The following VAMP7 variants were observed in gnomAD, a reference collection of about 807,000 sequenced individuals.
VAMP7 encodes the protein vesicle associated membrane protein 7, also known as vesicle-associated membrane protein 7.
A neutral mutation model predicts 29.6 loss-of-function variants in VAMP7; 14 were observed. That is an observed-to-expected ratio of 0.47 (90% CI 0.31 to 0.74). VAMP7 has a LOEUF of 0.74. Among genes scored for constraint, VAMP7 ranks in the 30% least tolerant of loss-of-function variants. VAMP7 has a pLI of 0.05. For missense variants in VAMP7, 223 were observed against 262.4 expected (o/e 0.85, Z 1.04); for synonymous variants, 95 against 88.1 (o/e 1.08, Z -0.44).
At chrX:155,938,389 C>G (rs911835560) in intron 6 of VAMP7, among the ~76,000 whole-genome samples, 4 of 152,126 alleles carry the variant, frequency 2.6e-5, no homozygotes, top group African/African-American at 9.7e-5. Flanking sequence ...ACTGCAGAGA[C>G]TTTGTGGAGT....
At position 155,895,534 on chromosome X, in the gene VAMP7, T is replaced by C. The variant is rs1461870075; in HGVS notation, c.147-89T>C. ...GTAAGTAATATGGTGACATTGGCAG[T>C]ACTGAACGTGCTTATACATAGATAG... On this transcript the variant is annotated intron_variant, in intron 2 of 7. Coordinates refer to ENST00000286448, the MANE Select transcript of VAMP7 (RefSeq NM_005638.6). The C allele has an allele frequency of 4.5e-6, 4 of 886,338 alleles. No individual in the cohort carries two copies. In the African/African-American group the frequency reaches 4.9e-5, roughly 11 times the overall value. The allele number at this position is 886,338 out of a possible 1,614,324, so 54.9% of individuals were successfully genotyped here.
At position 155,895,629 on chromosome X, in the gene VAMP7, G is replaced by A. The variant is rs1271477633; in HGVS notation, c.153G>A (p.Leu51=). The change falls in exon 3 of 8, where the codon TTG becomes TTA. Residue 51 remains leucine (L), a synonymous_variant. Coordinates refer to ENST00000286448, the MANE Select transcript of VAMP7 (RefSeq NM_005638.6). ...NKLTYSHGNY[L]FHYICQDRIV... ...TATATCTTTTATTCTACAGTTATTT[G>A]TTTCATTACATCTGCCAAGACAGGA... 6.2e-7 allele frequency: 1 copy of A among 1,608,178 alleles called. No individual in the cohort carries two copies. Among genetic ancestry groups the A allele is most frequent in the Non-Finnish European group, 8.5e-7 (1 of 1,175,040 alleles).
chrX:155,939,885 A>G (rs1354445761), intron 7 of VAMP7, 92 bp downstream of exon 7: 52 of 1,076,002 alleles, frequency 4.8e-5, no homozygotes, highest in African/African-American at 1.6e-5. Flanking sequence ...ACACTCTGAA[A>G]TGAGCTACAT....
intron 5 of VAMP7, among the ~76,000 whole-genome samples, chrX:155,906,215 C>G (rs896391955): frequency 1.3e-5 from 2 of 152,170 alleles, no homozygotes; most frequent in African/African-American, 4.8e-5. Flanking sequence ...GCAAAGAATC[C>G]TGCTAATACC....
At chrX:155,912,100 G>T (rs1016454464) in intron 5 of VAMP7, among the ~76,000 whole-genome samples, 4 of 151,964 alleles carry the variant, frequency 2.6e-5, no homozygotes, top group African/African-American at 9.7e-5. Flanking sequence ...TTCCCATTCC[G>T]TATGATGTTA....
rs779244444 is a variant in VAMP7, at chrX:155,928,703, AC to A, written c.501+8824del. On this transcript the variant is annotated intron_variant, in intron 6 of 7. Transcript: ENST00000286448. ...AAAGACCCCTTTTCCAGATAATATC[AC>A]ATATGTCACATTCATAGGGATTAGG... 1.5e-4 allele frequency among the ~76,000 whole-genome samples: 23 copies of A among 152,258 alleles called. No homozygotes were observed. In the East Asian group the frequency reaches 4.3e-3, roughly 28 times the overall value.
chrX:155,932,709 G>T (rs973245702), intron 6 of VAMP7, among the ~76,000 whole-genome samples: 1 of 152,052 alleles, frequency 6.6e-6, no homozygotes, highest in East Asian at 1.9e-4. Flanking sequence ...TCTTTCTCTT[G>T]CCTGATTGCC....
At chrX:155,897,809 A>G (rs919642079) in intron 3 of VAMP7, among the ~76,000 whole-genome samples, 1 of 152,156 alleles carries the variant, frequency 6.6e-6, no homozygotes, top group African/African-American at 2.4e-5. Flanking sequence ...ATATGGAGGA[A>G]GTAAAATTCA....
chrX:155,901,146 T>C (rs1288122407), intron 5 of VAMP7, among the ~76,000 whole-genome samples: 2 of 152,068 alleles, frequency 1.3e-5, no homozygotes, highest in African/African-American at 4.8e-5. Flanking sequence ...GTAACCATAC[T>C]GTTATATTTT....
intron 6 of VAMP7, among the ~76,000 whole-genome samples, chrX:155,936,117 G>C (rs1158081608): frequency 6.6e-6 from 1 of 152,150 alleles, no homozygotes; most frequent in Non-Finnish European, 1.5e-5. Flanking sequence ...CTACTGGGGG[G>C]TACCTCCCAG....
chrX:155,902,798 A>T (rs1164353518), intron 5 of VAMP7, among the ~76,000 whole-genome samples: 1 of 148,946 alleles, frequency 6.7e-6, no homozygotes, highest in Non-Finnish European at 1.5e-5. Flanking sequence ...TTTTTGCATC[A>T]ATGTTCATCA....
At chrX:155,932,576 G>A (rs74594558) in intron 6 of VAMP7, among the ~76,000 whole-genome samples, 2 of 152,104 alleles carry the variant, frequency 1.3e-5, no homozygotes, top group Admixed American at 6.6e-5. Flanking sequence ...GACTTTGCTG[G>A]AGTTGCTTAT....
At chrX:155,909,000 G>GT (rs1242836881) in intron 5 of VAMP7, among the ~76,000 whole-genome samples, 1 of 151,730 alleles carries the variant, frequency 6.6e-6, no homozygotes, top group Non-Finnish European at 1.5e-5. Flanking sequence ...TTGTTTTTTG[G>GT]TTTTTTTGTA....
chrX:155,900,103 G>A (rs887466557), intron 4 of VAMP7, among the ~76,000 whole-genome samples: 10 of 151,950 alleles, frequency 6.6e-5, no homozygotes, highest in Non-Finnish European at 1.5e-4. Flanking sequence ...TACTCAAGAA[G>A]TGGGGAACAA....
intron 6 of VAMP7, among the ~76,000 whole-genome samples, chrX:155,925,025 T>C (rs1602995339): frequency 6.6e-6 from 1 of 152,194 alleles, no homozygotes; most frequent in African/African-American, 2.4e-5. Context: ...TCCTCATTCA[T>C]TAAAGTTTTA....
Position 155,941,983 on chromosome X carries a change from G to A in VAMP7, c.*32G>A. 6.2e-7 allele frequency: 1 copy of A among 1,613,668 alleles called. No homozygotes were observed. The highest frequency in any genetic ancestry group is 8.5e-7 in the Non-Finnish European group (1 of 1,179,802). On this transcript the variant is annotated 3_prime_UTR_variant, in exon 8 of 8. Transcript: ENST00000286448. The stretch of plus-strand genomic sequence containing the variant: ...AGAAGTTACCATTAACCAAGGATAT[G>A]AGAGAACAAGGAGTTAAAAGCAATC...
chrX:155,896,299 T>C (rs745559211), intron 3 of VAMP7, among the ~76,000 whole-genome samples: 1 of 152,318 alleles, frequency 6.6e-6, no homozygotes, highest in South Asian at 2.1e-4. Flanking sequence ...ATAATTATAA[T>C]TCTTTGATAT....
intron 6 of VAMP7, among the ~76,000 whole-genome samples, chrX:155,923,761 G>A (rs2066429265): frequency 1.3e-5 from 2 of 151,982 alleles, no homozygotes; most frequent in Admixed American, 1.3e-4. Flanking sequence ...TCTGTATTAA[G>A]CCACTTGAAG....
chrX:155,916,346 C>T lies in VAMP7; in HGVS notation c.434-3467C>T, dbSNP rs764344398. ...TGTGTCTTTTATTTGGGGCATTTAC[C>T]CCATTTACATTTAAGGTTAATATTG... On this transcript the variant is annotated intron_variant, in intron 5 of 7. Transcript: ENST00000286448. 1.1e-4 allele frequency among the ~76,000 whole-genome samples: 17 copies of T among 152,092 alleles called. No homozygotes were observed. In the South Asian group the frequency reaches 2.5e-3, roughly 22 times the overall value.
Sources: allele counts gnomAD v4.1 joint callset (sites outside exome capture counted in the v4.1 genomes callset), GRCh38; gene constraint gnomAD v4.1.1; transcripts MANE v1.5; gene names NCBI Gene and HGNC (gene_info 2026-07-23, HGNC 2026-07-21).